The following OR2Z1 variants were observed in gnomAD, a reference collection of about 807,000 sequenced individuals.
OR2Z1 encodes the protein olfactory receptor 2Z1.
For missense variants in OR2Z1, 449 were observed against 401.8 expected (o/e 1.12, Z -1.00); for synonymous variants, 188 against 160.6 (o/e 1.17, Z -1.29).
rs1171060965 is a variant in OR2Z1, at chr19:8,723,998, GTGTGTGTGTGTGTA to G, written c.-170+862_-170+875del. The stretch of plus-strand genomic sequence containing the variant: ...TGTGTGTGTGTGTGTGTGTGTGTGT[GTGTGTGTGTGTGTA>G]TGTGTGTGTGTGTGTGTGAAGCAAA... On this transcript the variant is annotated intron_variant, in intron 2 of 2. Coordinates refer to ENST00000641125, the MANE Select transcript of OR2Z1 (RefSeq NM_001004699.3). Among the ~76,000 whole-genome samples, 898 of 135,370 alleles carry G rather than the reference GTGTGTGTGTGTGTA, an allele frequency of 6.6e-3. 8 individuals are homozygous for G. Among genetic ancestry groups the G allele is most frequent in the African/African-American group, 0.032 (848 of 26,566 alleles). 88.8% of individuals were successfully genotyped at this position (135,370 alleles called of 152,430 possible).
intron 2 of OR2Z1, chr19:8,728,842 C>A (rs539511519): frequency 1.4e-5 from 9 of 638,868 alleles, no homozygotes. Context: ...TTGACCTTGG[C>A]CACATCCATG....
At chr19:8,722,870 G>C (rs1273237158) in intron 1 of OR2Z1, among the ~76,000 whole-genome samples, 4 of 152,078 alleles carry the variant, frequency 2.6e-5, no homozygotes, top group African/African-American at 4.8e-5. Context: ...AAATTAGTCA[G>C]GTGTGGTGGT....
intron 2 of OR2Z1, among the ~76,000 whole-genome samples, chr19:8,725,825 G>A (rs138338587): frequency 1.8e-4 from 28 of 152,292 alleles, no homozygotes; most frequent in Middle Eastern, 3.4e-3. Context: ...TTTCACTGGC[G>A]ATGGTTCTGT....
chr19:8,729,156 CT>C, intron 2 of OR2Z1: 1 of 1,190,302 alleles, frequency 8.4e-7, no homozygotes, highest in South Asian at 1.2e-5. Context: ...TTCACTTTGG[CT>C]TCGGCTTTAG....
intron 2 of OR2Z1, among the ~76,000 whole-genome samples, chr19:8,723,537 A>G (rs1286207742): frequency 6.6e-6 from 1 of 152,148 alleles, no homozygotes; most frequent in Non-Finnish European, 1.5e-5. Flanking sequence ...ACTCCCGTAC[A>G]TCTTTGGTTG....
chr19:8,723,412 TCATCATG>T (rs1248949336), intron 2 of OR2Z1, among the ~76,000 whole-genome samples: 4 of 152,086 alleles, frequency 2.6e-5, no homozygotes, highest in African/African-American at 9.7e-5. Flanking sequence ...GGTACCCAAA[TCATCATG>T]CATGTATTTT....
Position 8,731,081 on chromosome 19 carries a change from T to G in OR2Z1, c.53T>G (p.Phe18Cys). ...TCAGACTTCATTCTGGTGGGCCTCT[T>G]CAGTCACTCAGGATCACGCCAGCTC... The part of the protein sequence containing the change: ...VASDFILVGL[F>C]SHSGSRQLLF... Residue 18 changes from phenylalanine (F) to cysteine (C), a missense_variant, in exon 3 of 3, where the codon TTC becomes TGC. Transcript: ENST00000641125. The G allele has an allele frequency of 6.2e-7, 1 of 1,614,154 alleles. No homozygotes were observed. Among genetic ancestry groups the G allele is most frequent in the East Asian group, 2.2e-5 (1 of 44,866 alleles).
At chr19:8,726,040 A>T (rs1227563027) in intron 2 of OR2Z1, among the ~76,000 whole-genome samples, 1 of 152,074 alleles carries the variant, frequency 6.6e-6, no homozygotes, top group Non-Finnish European at 1.5e-5. Context: ...GTCTCGGCTC[A>T]CTGCAGCCTC....
At position 8,731,073 on chromosome 19, in the gene OR2Z1, G is replaced by C; in HGVS notation, c.45G>C (p.Val15=). The C allele has an allele frequency of 6.2e-7, 1 of 1,614,130 alleles. No individual in the cohort carries two copies. The highest frequency in any genetic ancestry group is 8.5e-7 in the Non-Finnish European group (1 of 1,180,014). Residue 15 remains valine (V), a synonymous_variant, in exon 3 of 3, where the codon GTG becomes GTC. Coordinates refer to ENST00000641125, the MANE Select transcript of OR2Z1 (RefSeq NM_001004699.3). ...CGGTGGCCTCAGACTTCATTCTGGT[G>C]GGCCTCTTCAGTCACTCAGGATCAC... ...NQSVASDFIL[V]GLFSHSGSRQ...
intron 2 of OR2Z1, among the ~76,000 whole-genome samples, chr19:8,726,090 C>G (rs8101940): frequency 6.6e-6 from 1 of 152,034 alleles, no homozygotes; most frequent in Non-Finnish European, 1.5e-5. Context: ...CTCAGCCTCC[C>G]GAGTAGCTGG....
intron 2 of OR2Z1, among the ~76,000 whole-genome samples, chr19:8,725,401 C>T (rs184278197): frequency 6.6e-6 from 1 of 152,104 alleles, no homozygotes; most frequent in Non-Finnish European, 1.5e-5. Flanking sequence ...CGCCACCACA[C>T]CTGGCTAATT....
intron 2 of OR2Z1, among the ~76,000 whole-genome samples, chr19:8,726,276 C>A (rs558291439): frequency 1.3e-5 from 2 of 152,164 alleles, no homozygotes; most frequent in East Asian, 3.9e-4. Context: ...GTGCTACACA[C>A]TTTTAATGAC....
At chr19:8,729,526 G>A (rs57028804) in intron 2 of OR2Z1, among the ~76,000 whole-genome samples, 69 of 149,788 alleles carry the variant, frequency 4.6e-4, no homozygotes, top group African/African-American at 1.5e-3. Flanking sequence ...TCCTCCTGCC[G>A]TAGCCTCCCC....
chr19:8,731,718 AGAG>A lies in OR2Z1; in HGVS notation c.695_697del (p.Glu232del). 6.2e-7 allele frequency: 1 copy of A among 1,614,144 alleles called. No homozygotes were observed. Among genetic ancestry groups the A allele is most frequent in the Non-Finnish European group, 8.5e-7 (1 of 1,180,034 alleles). ...TGCAGGCTGTTCTAAGCATGCGCTC[AGAG>A]GAGGCCAGACACAAGGCTGTCACCA... On this transcript the variant is annotated inframe_deletion, in exon 3 of 3. Coordinates refer to ENST00000641125, the MANE Select transcript of OR2Z1 (RefSeq NM_001004699.3).
At chr19:8,722,671 G>C (rs2043311926) in intron 1 of OR2Z1, among the ~76,000 whole-genome samples, 2 of 152,104 alleles carry the variant, frequency 1.3e-5, no homozygotes, top group South Asian at 4.1e-4. Context: ...CAGCAGGTGA[G>C]AGAGGTTGGA....
intron 2 of OR2Z1, among the ~76,000 whole-genome samples, chr19:8,730,099 G>C (rs1336224961): frequency 6.6e-6 from 1 of 152,174 alleles, no homozygotes; most frequent in Non-Finnish European, 1.5e-5. Flanking sequence ...AGGCACCCCG[G>C]TTGATTCAAT....
intron 2 of OR2Z1, chr19:8,728,963 C>A: frequency 1.5e-6 from 1 of 684,762 alleles, no homozygotes. Flanking sequence ...ACTCAGTGGT[C>A]AGCGGCAACG....
intron 2 of OR2Z1, among the ~76,000 whole-genome samples, 163 bp from the exon 3 acceptor site, chr19:8,730,697 C>T (rs1382458195): frequency 3.3e-5 from 5 of 152,102 alleles, no homozygotes; most frequent in South Asian, 2.1e-4. Flanking sequence ...GGATTACAGG[C>T]GTGAGGCACC....
In OR2Z1 at chr19:8,732,029, A is replaced by G. The variant is rs558973471; in HGVS notation, c.*56A>G. Reference sequence around the variant, plus strand: ...GGTCCTCGATCCCACCCACCTTCCCAAAGTATGCATTTGGCATTCAATTGC... The same window carrying G: ...GGTCCTCGATCCCACCCACCTTCCCGAAGTATGCATTTGGCATTCAATTGC... On this transcript the variant is annotated 3_prime_UTR_variant, in exon 3 of 3. Coordinates refer to ENST00000641125, the MANE Select transcript of OR2Z1 (RefSeq NM_001004699.3). 1.5e-6 allele frequency: 2 copies of G among 1,376,004 alleles called. No homozygotes were observed. Among genetic ancestry groups the G allele is most frequent in the East Asian group, 4.6e-5 (2 of 43,338 alleles). 85.2% of individuals were successfully genotyped at this position (1,376,004 alleles called of 1,614,324 possible). A position where few individuals can be genotyped will look rare whatever the true frequency, so the allele number is the denominator to read the frequency against.
Sources: allele counts gnomAD v4.1 joint callset (sites outside exome capture counted in the v4.1 genomes callset), GRCh38; gene constraint gnomAD v4.1.1; transcripts MANE v1.5; gene names NCBI Gene and HGNC (gene_info 2026-07-23, HGNC 2026-07-21).